NAB1: variants seen among roughly 807,000 people sequenced by gnomAD.
The protein encoded by NAB1 is NGFI-A binding protein 1, also known as NGFI-A-binding protein 1.
A neutral mutation model predicts 49.9 loss-of-function variants in NAB1; 25 were observed. The ratio of observed to expected loss-of-function variants is 0.50; its 90% CI spans 0.37 to 0.70. The LOEUF is 0.70. NAB1 is among the 30% of genes least tolerant of loss of function. NAB1 has a pLI of 0.00. For synonymous variants in NAB1, 198 were observed against 215.6 expected (o/e 0.92, Z 0.71); for missense variants, 489 against 575.9 (o/e 0.85, Z 1.54).
chr2:190,685,087 T>C lies in NAB1; in HGVS notation c.1096-389T>C, dbSNP rs911109897. Reference sequence around the variant, plus strand: ...GTCTGTGTACTGCCAGATCCTAAAATAAAAATGCCAAGATTTCGCCCCAAG... The same window carrying C: ...GTCTGTGTACTGCCAGATCCTAAAACAAAAATGCCAAGATTTCGCCCCAAG... On this transcript the variant is annotated intron_variant, in intron 7 of 9. Transcript: ENST00000337386. This position sits in a 1 kb window ranked among gnomAD's most constrained non-coding sequence, Gnocchi z 4.5. 6.6e-6 allele frequency among the ~76,000 whole-genome samples: 1 copy of C among 152,204 alleles called. No individual in the cohort carries two copies. Among genetic ancestry groups the C allele is most frequent in the Admixed American group, 6.5e-5 (1 of 15,278 alleles).
At position 190,676,730 on chromosome 2, in the gene NAB1, T is replaced by A. The variant is rs866539688; in HGVS notation, c.1005+3578T>A. ...AAGTAACGTACAAATAAACTTAAGCTTAGCCCATTTTATAGTGTAACAGAT... is the reference window on the plus strand; with the variant it reads ...AAGTAACGTACAAATAAACTTAAGCATAGCCCATTTTATAGTGTAACAGAT... On this transcript the variant is annotated intron_variant, in intron 6 of 9. Transcript: ENST00000337386. This position sits in a 1 kb window ranked among gnomAD's most constrained non-coding sequence, Gnocchi z 4.6. Among the ~76,000 whole-genome samples the A allele has an allele frequency of 6.6e-6, 1 of 152,204 alleles. No homozygotes were observed. The highest frequency in any genetic ancestry group is 1.5e-5 in the Non-Finnish European group (1 of 68,030).
Position 190,659,154 on chromosome 2 carries a change from GC to G in NAB1, c.-19-3del. ...GTTTTTACTTTTTTTTTTTTTTTTG[GC>G]AGGTTAAACCCATCCAGAGTAATGG... is the stretch of plus-strand genomic sequence containing the variant. On this transcript the variant is annotated splice_region_variant and splice_polypyrimidine_tract_variant and intron_variant, in intron 3 of 9. Transcript: ENST00000337386. The surrounding 1 kb of genome is among the most constrained non-coding windows in gnomAD (Gnocchi z 6.2). 11 of 1,388,342 alleles carry G rather than the reference GC, an allele frequency of 7.9e-6. No individual in the cohort carries two copies. The highest frequency in any genetic ancestry group is 5.0e-5 in the South Asian group (3 of 60,558). 86.0% of individuals were successfully genotyped at this position (1,388,342 alleles called of 1,614,324 possible).
At chr2:190,655,752 G>A (rs528905661) in intron 2 of NAB1, among the ~76,000 whole-genome samples, 10 of 152,318 alleles carry the variant, frequency 6.6e-5, no homozygotes, top group African/African-American at 2.2e-4. Context: ...AACAGGAGTT[G>A]ACCGGTAGTT....
rs897741060 is a variant in NAB1, at chr2:190,676,003, G to A, written c.1005+2851G>A. Among the ~76,000 whole-genome samples, 9 of 152,176 alleles carry A rather than the reference G, an allele frequency of 5.9e-5. No individual in the cohort carries two copies. Among genetic ancestry groups the A allele is most frequent in the African/African-American group, 2.2e-4 (9 of 41,436 alleles). The stretch of plus-strand genomic sequence containing the variant: ...AACTATTTCCGGAAGCTGTTATGAG[G>A]TAGATAGTACTGGCTGTATAAAGTT... On this transcript the variant is annotated intron_variant, in intron 6 of 9. Transcript: ENST00000337386. The surrounding 1 kb of genome is among the most constrained non-coding windows in gnomAD (Gnocchi z 4.6).
At position 190,676,058 on chromosome 2, in the gene NAB1, C is replaced by T. The variant is rs1192772354; in HGVS notation, c.1005+2906C>T. On this transcript the variant is annotated intron_variant, in intron 6 of 9. Transcript: ENST00000337386. The surrounding 1 kb of genome is among the most constrained non-coding windows in gnomAD (Gnocchi z 4.6). ...CTCCCTTAAAACTTTTCACCAAGTA[C>T]TGGTGCTTTATGTCTACCTTCTATA... is the stretch of plus-strand genomic sequence containing the variant. Among the ~76,000 whole-genome samples, 3 of 152,148 alleles carry T rather than the reference C, an allele frequency of 2.0e-5. No homozygotes were observed. The highest frequency in any genetic ancestry group is 2.9e-5 in the Non-Finnish European group (2 of 68,036).
chr2:190,673,458 TC>T (rs1694921389), intron 6 of NAB1, among the ~76,000 whole-genome samples: 1 of 152,172 alleles, frequency 6.6e-6, no homozygotes, highest in Admixed American at 6.5e-5. Flanking sequence ...CTCCTTGGCC[TC>T]CCAAAATTCT....
In NAB1 at chr2:190,649,426, C is replaced by G. The variant is rs1217817670; in HGVS notation, c.-334+66C>G. On this transcript the variant is annotated intron_variant, in intron 1 of 9. Transcript: ENST00000337386. This position sits in a 1 kb window ranked among gnomAD's most constrained non-coding sequence, Gnocchi z 6.1. ...AGTGCGGGACACTTTCGCGGCTGAGCGGCCACGGGCGAACTTGGGGCGGCT... is the reference window on the plus strand; with the variant it reads ...AGTGCGGGACACTTTCGCGGCTGAGGGGCCACGGGCGAACTTGGGGCGGCT... The G allele has an allele frequency of 1.3e-5, 2 of 152,276 alleles. No individual in the cohort carries two copies. The highest frequency in any genetic ancestry group is 2.1e-4 in the South Asian group (1 of 4,830). The allele number at this position is 152,276 out of a possible 1,614,324, so 9.4% of individuals were successfully genotyped here. A position where few individuals can be genotyped will look rare whatever the true frequency, so the allele number is the denominator to read the frequency against.
In NAB1 at chr2:190,677,850, A is replaced by G. The variant is rs1371584227; in HGVS notation, c.1005+4698A>G. Among the ~76,000 whole-genome samples, 1 of 150,556 alleles carries G rather than the reference A, an allele frequency of 6.6e-6. No individual in the cohort carries two copies. The highest frequency in any genetic ancestry group is 1.5e-5 in the Non-Finnish European group (1 of 67,894). ...AGCAGTACCACCTTCCTAGGTGCTAATGATTATTCACAAAGCATCTTACCT... is the reference window on the plus strand; with the variant it reads ...AGCAGTACCACCTTCCTAGGTGCTAGTGATTATTCACAAAGCATCTTACCT... On this transcript the variant is annotated intron_variant, in intron 6 of 9. Transcript: ENST00000337386. This position sits in a 1 kb window ranked among gnomAD's most constrained non-coding sequence, Gnocchi z 5.6.
In NAB1 at chr2:190,652,150, A is replaced by C. The variant is rs1693701175; in HGVS notation, c.-197+2168A>C. 6.6e-6 allele frequency among the ~76,000 whole-genome samples: 1 copy of C among 152,342 alleles called. No individual in the cohort carries two copies. The highest frequency in any genetic ancestry group is 6.5e-5 in the Admixed American group (1 of 15,302). On this transcript the variant is annotated intron_variant, in intron 2 of 9. Transcript: ENST00000337386. This position sits in a 1 kb window ranked among gnomAD's most constrained non-coding sequence, Gnocchi z 4.2. ...AAGTTGATGCTTGGAAAAAATAGTA[A>C]TCCTCATCTTGTGAGAATTCACACA...
chr2:190,655,680 T>C (rs1693882110), intron 2 of NAB1, among the ~76,000 whole-genome samples: 2 of 152,134 alleles, frequency 1.3e-5, no homozygotes, highest in Admixed American at 6.5e-5. Context: ...CCCTCTGTCC[T>C]ATCAAAAAAT....
At chr2:190,688,324 A>C (rs1270006291) in intron 9 of NAB1, among the ~76,000 whole-genome samples, 1 of 152,246 alleles carries the variant, frequency 6.6e-6, no homozygotes, top group African/African-American at 2.4e-5. Context: ...AGTGTTATCA[A>C]GAGCATTTAT....
chr2:190,683,070 C>A (rs1410175131), intron 6 of NAB1, among the ~76,000 whole-genome samples: 2 of 151,976 alleles, frequency 1.3e-5, no homozygotes, highest in South Asian at 2.1e-4. Context: ...TCAAACCCCC[C>A]ACTAGGTTAA....
chr2:190,659,777 G>C lies in NAB1; in HGVS notation c.601G>C (p.Glu201Gln). 6.2e-7 allele frequency: 1 copy of C among 1,614,134 alleles called. No homozygotes were observed. Among genetic ancestry groups the C allele is most frequent in the Non-Finnish European group, 8.5e-7 (1 of 1,179,998 alleles). Residue 201 changes from glutamate to glutamine, a missense_variant, in exon 4 of 10, where the codon GAG (glutamate) becomes CAG (glutamine). Physicochemically the swap from Glu to Gln is conservative, Grantham distance 29. Transcript: ENST00000337386. The surrounding 1 kb of genome is among the most constrained non-coding windows in gnomAD (Gnocchi z 6.2). ...TGCTGCTGCTGCGCTCTCTGTGGCT[G>C]AGTGTGTGGAGCGGATGGCCCCCAC... is the stretch of plus-strand genomic sequence containing the variant. ...LDAAAALSVA[E>Q]CVERMAPTLP...
At position 190,667,003 on chromosome 2, in the gene NAB1, T is replaced by C. The variant is rs907734479; in HGVS notation, c.820-3323T>C. ...TTATTAGCAGCTAGGGAGCATGAAA[T>C]CTAGGTAACTCTGACAGAACACGTG... On this transcript the variant is annotated intron_variant, in intron 4 of 9. Transcript: ENST00000337386. The surrounding 1 kb of genome is among the most constrained non-coding windows in gnomAD (Gnocchi z 4.4). Among the ~76,000 whole-genome samples, 4 of 152,296 alleles carry C rather than the reference T, an allele frequency of 2.6e-5. No individual in the cohort carries two copies. Among genetic ancestry groups the C allele is most frequent in the African/African-American group, 9.6e-5 (4 of 41,558 alleles).
In NAB1 at chr2:190,677,358, G is replaced by A. The variant is rs955910425; in HGVS notation, c.1005+4206G>A. ...TGAGATGGACATGGAGAAAAAGATC[G>A]CCTGCTAGCTTAGGTGTGCCTTAAG... On this transcript the variant is annotated intron_variant, in intron 6 of 9. Coordinates refer to ENST00000337386, the MANE Select transcript of NAB1 (RefSeq NM_005966.4). This position sits in a 1 kb window ranked among gnomAD's most constrained non-coding sequence, Gnocchi z 5.6. 4 of 152,058 alleles carry A rather than the reference G, an allele frequency of 2.6e-5. No individual in the cohort carries two copies. The highest frequency in any genetic ancestry group is 9.7e-5 in the African/African-American group (4 of 41,390). 9.4% of individuals were successfully genotyped at this position (152,058 alleles called of 1,614,324 possible).
rs1694393980 is a variant in NAB1 at position 190,664,532 on chromosome 2, TC to T, written c.819+4539del. On this transcript the variant is annotated intron_variant, in intron 4 of 9. Coordinates refer to ENST00000337386, the MANE Select transcript of NAB1 (RefSeq NM_005966.4). ...TAATTTCTTTCTTTTCTTTTTTCCT[TC>T]CTTCCTTCCTTCCTTCCTTCCTTCC... Among the ~76,000 whole-genome samples, 8 of 36,494 alleles carry T rather than the reference TC, an allele frequency of 2.2e-4. No homozygotes were observed. In the Admixed American group the frequency reaches 2.9e-3, roughly 13 times the overall value. The allele number at this position is 36,494 out of a possible 152,430, so 23.9% of individuals were successfully genotyped here.
chr2:190,661,500 C>T (rs1389686319), intron 4 of NAB1, among the ~76,000 whole-genome samples: 2 of 151,790 alleles, frequency 1.3e-5, no homozygotes, highest in East Asian at 1.9e-4. Context: ...AAAGTTGAGT[C>T]GAAATACATG....
chr2:190,664,586 C>CTTTTT lies in NAB1; in HGVS notation c.819+4615_819+4619dup, dbSNP rs71027237. Among the ~76,000 whole-genome samples, 134 of 61,152 alleles carry CTTTTT rather than the reference C, an allele frequency of 2.2e-3. 13 individuals are homozygous for CTTTTT. Among genetic ancestry groups the CTTTTT allele is most frequent in the African/African-American group, 3.5e-3 (54 of 15,256 alleles). 40.1% of individuals were successfully genotyped at this position (61,152 alleles called of 152,430 possible). The stretch of plus-strand genomic sequence containing the variant: ...TCTTCCTCTCTTTCTTTCTTCTTTC[C>CTTTTT]TTTTTTTTTTTTTTTTTTTTTTTTT... On this transcript the variant is annotated intron_variant, in intron 4 of 9. Coordinates refer to ENST00000337386, the MANE Select transcript of NAB1 (RefSeq NM_005966.4).
intron 4 of NAB1, among the ~76,000 whole-genome samples, chr2:190,664,584 T>C (rs1459872458): frequency 7.7e-5 from 9 of 117,178 alleles, no homozygotes; most frequent in Admixed American, 4.6e-4. Flanking sequence ...CTTTCTTCTT[T>C]CCTTTTTTTT....
Sources: allele counts gnomAD v4.1 joint callset (sites outside exome capture counted in the v4.1 genomes callset), GRCh38; gene constraint gnomAD v4.1.1; non-coding constraint Gnocchi (gnomAD v3.1); transcripts MANE v1.5; gene names NCBI Gene and HGNC (gene_info 2026-07-23, HGNC 2026-07-21).